OPA3: variants seen among roughly 807,000 people sequenced by gnomAD.
OPA3 encodes the protein optic atrophy 3 protein.
Under a neutral mutation model 4.0 loss-of-function variants are expected in OPA3, and 6 were observed. The observed-to-expected ratio is 1.51, with a 90% confidence interval of 0.83 to 2.99. The LOEUF (loss-of-function observed/expected upper bound fraction) is 2.99, where lower values mean the gene tolerates loss of function less well. Ranked by LOEUF, OPA3 falls within the 30% of genes most tolerant of loss-of-function variation. The pLI is 0.00. For missense variants in OPA3, 235 were observed against 256.2 expected, an observed-to-expected ratio of 0.92 and a Z score of 0.56; for synonymous variants, 105 against 117.1, an observed-to-expected ratio of 0.90 and a Z score of 0.67.
chr19:45,583,745 G>A (rs777292306), intron 1 of OPA3, among the ~76,000 whole-genome samples: 7 of 151,840 alleles, frequency 4.6e-5, no homozygotes, highest in Non-Finnish European at 7.4e-5. Context: ...CATGTGATCC[G>A]CCCGCCTCGG....
chr19:45,551,821 G>A lies in OPA3; in HGVS notation c.*1693C>T, dbSNP rs904110306. 32 of 985,432 alleles carry A rather than the reference G, an allele frequency of 3.2e-5. No homozygotes were observed. The highest frequency in any genetic ancestry group is 1.7e-5 in the Non-Finnish European group (14 of 830,018). The allele number at this position is 985,432 out of a possible 1,614,324, so 61.0% of individuals were successfully genotyped here. The stretch of plus-strand genomic sequence containing the variant: ...CAGTCCAGAGCTCCGAGGAAAGAAA[G>A]CAAGAGCACACAGATTAGGAGACAC... On this transcript the variant is annotated 3_prime_UTR_variant, in exon 2 of 2. Transcript: ENST00000263275.
intron 1 of OPA3, among the ~76,000 whole-genome samples, chr19:45,536,878 T>C (rs910842303): frequency 2.0e-5 from 3 of 151,946 alleles, no homozygotes; most frequent in Non-Finnish European, 4.4e-5. Context: ...TACACAAAAA[T>C]TAATTCCACA....
At chr19:45,534,468 G>C (rs1392194052) in intron 1 of OPA3, among the ~76,000 whole-genome samples, 1 of 144,374 alleles carries the variant, frequency 6.9e-6, no homozygotes, top group Non-Finnish European at 1.5e-5. Context: ...GGCTGAAGCA[G>C]GAGAATTGCT....
chr19:45,529,504 A>G (rs752395800), intron 1 of OPA3: 3 of 1,608,804 alleles, frequency 1.9e-6, no homozygotes, highest in Non-Finnish European at 2.6e-6. Context: ...GCAGCCTCCT[A>G]TAAGCCCCGA....
In OPA3 at chr19:45,548,041, C is replaced by T; in HGVS notation, c.*5473G>A. ...CCGGTCTCTGGCACTAGAATGTCAG[C>T]TCCAGTGAGGGCCTCTGCTTGCTCC... On this transcript the variant is annotated 3_prime_UTR_variant, in exon 2 of 2. Coordinates refer to ENST00000263275, the MANE Select transcript of OPA3 (RefSeq NM_025136.4). 1 of 825,714 alleles carries T rather than the reference C, an allele frequency of 1.2e-6. No individual in the cohort carries two copies. The highest frequency in any genetic ancestry group is 1.5e-6 in the Non-Finnish European group (1 of 684,022). The allele number at this position is 825,714 out of a possible 1,614,324, so 51.1% of individuals were successfully genotyped here. A position where few individuals can be genotyped will look rare whatever the true frequency, so the allele number is the denominator to read the frequency against.
intron 1 of OPA3, among the ~76,000 whole-genome samples, chr19:45,560,020 G>A (rs1969481206): frequency 6.6e-6 from 1 of 152,148 alleles, no homozygotes; most frequent in African/African-American, 2.4e-5. Flanking sequence ...CAGAGTAAGG[G>A]AGAAAATGCT....
rs1287846751 is a variant in OPA3 at position 45,550,165 on chromosome 19, G to T, written c.*3349C>A. The T allele has an allele frequency of 3.1e-6, 3 of 975,940 alleles. No individual in the cohort carries two copies. Among genetic ancestry groups the T allele is most frequent in the Non-Finnish European group, 3.7e-6 (3 of 821,628 alleles). The allele number at this position is 975,940 out of a possible 1,614,324, so 60.5% of individuals were successfully genotyped here. ...GAGCTAGACTGTCTCCGAAAGAAAAGAAAAGAAAAAAGAAGAGAAAAGAAG... is the reference window on the plus strand; with the variant it reads ...GAGCTAGACTGTCTCCGAAAGAAAATAAAAGAAAAAAGAAGAGAAAAGAAG... On this transcript the variant is annotated 3_prime_UTR_variant, in exon 2 of 2. Coordinates refer to ENST00000263275, the MANE Select transcript of OPA3 (RefSeq NM_025136.4).
chr19:45,584,588 G>C (rs748938403), intron 1 of OPA3, 35 bp downstream of exon 1: 1 of 1,614,142 alleles, frequency 6.2e-7, no homozygotes, highest in Middle Eastern at 1.6e-4. Flanking sequence ...GTTGGAGAAA[G>C]GAAAAAGGTT....
At chr19:45,569,631 T>C (rs1969632447) in intron 1 of OPA3, among the ~76,000 whole-genome samples, 1 of 152,126 alleles carries the variant, frequency 6.6e-6, no homozygotes, top group Admixed American at 6.6e-5. Context: ...GTGACCCGGT[T>C]GTGGTAAGCT....
intron 1 of OPA3, among the ~76,000 whole-genome samples, chr19:45,563,223 G>A (rs1340217011): frequency 3.3e-5 from 5 of 152,084 alleles, no homozygotes; most frequent in African/African-American, 7.2e-5. Context: ...GCAGTGGCTC[G>A]ATCTTGGCTC....
At chr19:45,574,176 G>A (rs1375384503) in intron 1 of OPA3, among the ~76,000 whole-genome samples, 3 of 151,356 alleles carry the variant, frequency 2.0e-5, no homozygotes, top group Non-Finnish European at 4.4e-5. Context: ...GGCGGATCAC[G>A]AGGTCAGGAG....
Position 45,548,879 on chromosome 19 carries a change from C to G in OPA3, c.*4635G>C. The G allele has an allele frequency of 2.2e-6, 1 of 456,192 alleles. No homozygotes were observed. Among genetic ancestry groups the G allele is most frequent in the Non-Finnish European group, 2.9e-6 (1 of 346,796 alleles). The allele number at this position is 456,192 out of a possible 1,614,324, so 28.3% of individuals were successfully genotyped here. A position where few individuals can be genotyped will look rare whatever the true frequency, so the allele number is the denominator to read the frequency against. ...AGTATAATGGCATGATCTCGGCTCA[C>G]TGCAACCTCCGCCTCCCGGGTCCAA... is the stretch of plus-strand genomic sequence containing the variant. On this transcript the variant is annotated 3_prime_UTR_variant, in exon 2 of 2. Transcript: ENST00000263275.
At chr19:45,531,492 G>A (rs1969061138) in intron 1 of OPA3, among the ~76,000 whole-genome samples, 1 of 152,022 alleles carries the variant, frequency 6.6e-6, no homozygotes. Flanking sequence ...CTGTTCTCTG[G>A]GCTGCTGCAG....
chr19:45,548,539 G>T lies in OPA3; in HGVS notation c.*4975C>A, dbSNP rs567309052. 2.0e-6 allele frequency: 2 copies of T among 985,292 alleles called. No homozygotes were observed. Among genetic ancestry groups the T allele is most frequent in the Admixed American group, 6.2e-5 (1 of 16,250 alleles). The allele number at this position is 985,292 out of a possible 1,614,324, so 61.0% of individuals were successfully genotyped here. ...AGGGAACACTGGAAAAGAAATGTAC[G>T]TGTGAGCATCTGTAAGACCCGGTGA... On this transcript the variant is annotated 3_prime_UTR_variant, in exon 2 of 2. Transcript: ENST00000263275.
chr19:45,537,810 T>A (rs1969139359), intron 1 of OPA3, among the ~76,000 whole-genome samples: 1 of 152,138 alleles, frequency 6.6e-6, no homozygotes, highest in African/African-American at 2.4e-5. Flanking sequence ...GCTTCAGCTT[T>A]CTCTCTTTAA....
chr19:45,536,572 G>A (rs548975508), intron 1 of OPA3, among the ~76,000 whole-genome samples: 12 of 151,350 alleles, frequency 7.9e-5, no homozygotes, highest in African/African-American at 2.9e-4. Flanking sequence ...AAAGTGTATG[G>A]AAACACAAAG....
intron 1 of OPA3, among the ~76,000 whole-genome samples, chr19:45,574,692 C>T (rs1969741803): frequency 6.6e-6 from 1 of 152,324 alleles, no homozygotes; most frequent in Admixed American, 6.5e-5. Context: ...GGGACCCCTT[C>T]GTATCACACC....
chr19:45,576,850 T>C (rs1244321391), intron 1 of OPA3, among the ~76,000 whole-genome samples: 2 of 152,212 alleles, frequency 1.3e-5, no homozygotes, highest in Non-Finnish European at 1.5e-5. Context: ...TTGATCACAT[T>C]TGCAAAGTCA....
In OPA3 at chr19:45,549,892, T is replaced by A; in HGVS notation, c.*3622A>T. 3 of 980,306 alleles carry A rather than the reference T, an allele frequency of 3.1e-6. No homozygotes were observed. The highest frequency in any genetic ancestry group is 2.4e-6 in the Non-Finnish European group (2 of 825,774). 60.7% of individuals were successfully genotyped at this position (980,306 alleles called of 1,614,324 possible). ...GCTGTTTCAGGCCAGGCGCGGTGGC[T>A]CACGCCTGTAATCCCAGCACTTTGG... On this transcript the variant is annotated 3_prime_UTR_variant, in exon 2 of 2. Coordinates refer to ENST00000263275, the MANE Select transcript of OPA3 (RefSeq NM_025136.4).
Sources: gnomAD v4.1 joint callset for allele counts (sites outside exome capture counted in the v4.1 genomes callset) on GRCh38, gnomAD v4.1.1 for gene constraint, MANE v1.5 for transcripts, NCBI Gene and HGNC (gene_info 2026-07-23, HGNC 2026-07-21) for gene names.